The following CEMIP variants were observed in gnomAD, a reference collection of about 807,000 sequenced individuals.
CEMIP encodes the protein cell migration-inducing and hyaluronan-binding protein.
In CEMIP, 105 loss-of-function variants were observed where a neutral mutation model predicts 156.9. The ratio of observed to expected loss-of-function variants is 0.67; its 90% CI spans 0.57 to 0.79. The LOEUF (loss-of-function observed/expected upper bound fraction) is 0.79. Ranked by LOEUF, CEMIP falls within the 30% of genes least tolerant of loss-of-function variation. CEMIP has a pLI of 0.00. For synonymous variants in CEMIP, 676 were observed against 668.4 expected (o/e 1.01, Z -0.17); for missense variants, 1,457 against 1,769.4 (o/e 0.82, Z 3.17).
chr15:80,795,194 G>A (rs141469352), intron 1 of CEMIP, among the ~76,000 whole-genome samples: 1 of 152,104 alleles, frequency 6.6e-6, no homozygotes, highest in Non-Finnish European at 1.5e-5. Context: ...CATCCTGAAA[G>A]CAATGGGAAG....
At chr15:80,779,813 C>G (rs563380338) in intron 1 of CEMIP, among the ~76,000 whole-genome samples, 199 bp downstream of exon 1, 40 of 152,364 alleles carry the variant, frequency 2.6e-4, no homozygotes, top group Middle Eastern at 3.4e-3. Context: ...TGGGCACACG[C>G]TCTTGGCACT....
At chr15:80,834,478 G>C (rs527645227) in intron 1 of CEMIP, among the ~76,000 whole-genome samples, 7 of 152,286 alleles carry the variant, frequency 4.6e-5, no homozygotes, top group Non-Finnish European at 7.3e-5. Context: ...GTAGAGTCAG[G>C]CTTCATTTTT....
chr15:80,943,927 G>A (rs1345492038), intron 28 of CEMIP, among the ~76,000 whole-genome samples: 1 of 152,110 alleles, frequency 6.6e-6, no homozygotes, highest in African/African-American at 2.4e-5. Flanking sequence ...TAATTCCCCA[G>A]TACCTTACAA....
intron 12 of CEMIP, among the ~76,000 whole-genome samples, chr15:80,900,587 T>G (rs200317455): frequency 0.011 from 552 of 49,774 alleles, 1 homozygote; most frequent in South Asian, 0.018. Flanking sequence ...CAGGTAGGGG[T>G]GTGTGTGTGT....
chr15:80,944,010 T>TG (rs1220341623), intron 28 of CEMIP, among the ~76,000 whole-genome samples: 1 of 152,194 alleles, frequency 6.6e-6, no homozygotes, highest in Non-Finnish European at 1.5e-5. Flanking sequence ...CAGGGCGCAT[T>TG]GGCTCACACC....
At chr15:80,818,733 C>T (rs1331858902) in intron 1 of CEMIP, among the ~76,000 whole-genome samples, 1 of 152,128 alleles carries the variant, frequency 6.6e-6, no homozygotes, top group Non-Finnish European at 1.5e-5. Context: ...TTGGTGGCTT[C>T]TGGGAGATTT....
At chr15:80,797,842 C>G (rs1896272200) in intron 1 of CEMIP, among the ~76,000 whole-genome samples, 1 of 152,232 alleles carries the variant, frequency 6.6e-6, no homozygotes, top group Non-Finnish European at 1.5e-5. Context: ...CCCATCCTCA[C>G]TAGGAAGCAA....
At chr15:80,931,660 G>T (rs931898736) in intron 21 of CEMIP, among the ~76,000 whole-genome samples, 199 bp from the exon 22 acceptor site, 7 of 151,968 alleles carry the variant, frequency 4.6e-5, no homozygotes, top group African/African-American at 1.2e-4. Context: ...ATTAATTAAT[G>T]AATTAATAAT....
At chr15:80,912,322 T>C (rs1900102399) in intron 14 of CEMIP, among the ~76,000 whole-genome samples, 1 of 152,146 alleles carries the variant, frequency 6.6e-6, no homozygotes, top group Admixed American at 6.5e-5. Flanking sequence ...GTGGACAACC[T>C]CTCAGAACCA....
rs568169530 is a variant in CEMIP, at chr15:80,942,391, T to C, written c.3699+54T>C. 7 of 1,450,088 alleles carry C rather than the reference T, an allele frequency of 4.8e-6. No individual in the cohort carries two copies. The African/African-American group carries it at 5.6e-5, about 12-fold the overall frequency. 89.8% of individuals were successfully genotyped at this position (1,450,088 alleles called of 1,614,324 possible). On this transcript the variant is annotated intron_variant, in intron 27 of 29. Coordinates refer to ENST00000394685, the MANE Select transcript of CEMIP (RefSeq NM_001293298.2). ...GGGTTTGCTCATTGAGAGGTGATAC[T>C]GTGTCCTGCGGCTGCTGGCACAAAT...
chr15:80,924,394 A>C lies in CEMIP; in HGVS notation c.2203-227A>C, dbSNP rs111915811. ...TAACCTCTCTAGACCTCAGTTTCCA[A>C]ATCTGCTCCTCAAAGAGGTCAAATA... is the stretch of plus-strand genomic sequence containing the variant. On this transcript the variant is annotated intron_variant, in intron 17 of 29. Transcript: ENST00000394685. Among the ~76,000 whole-genome samples, 172 of 152,318 alleles carry C rather than the reference A, an allele frequency of 1.1e-3. 2 individuals carry two copies. Among genetic ancestry groups the C allele is most frequent in the African/African-American group, 4.0e-3 (166 of 41,566 alleles).
At chr15:80,855,396 G>A (rs1010071576) in intron 1 of CEMIP, among the ~76,000 whole-genome samples, 8 of 152,202 alleles carry the variant, frequency 5.3e-5, no homozygotes, top group African/African-American at 1.9e-4. Flanking sequence ...TGGGAACTGA[G>A]CCGAGGACAC....
Position 80,881,151 on chromosome 15 carries a change from C to A in CEMIP, c.617+15C>A. On this transcript the variant is annotated intron_variant, in intron 6 of 29. Coordinates refer to ENST00000394685, the MANE Select transcript of CEMIP (RefSeq NM_001293298.2). The stretch of plus-strand genomic sequence containing the variant: ...CATTCTGACCGGTAAGGTTTGCCTT[C>A]ACTTAAACGTATACTCATTCATTCA... 1 of 1,601,588 alleles carries A rather than the reference C, an allele frequency of 6.2e-7. No homozygotes were observed. The highest frequency in any genetic ancestry group is 8.6e-7 in the Non-Finnish European group (1 of 1,168,646).
At chr15:80,819,068 C>T (rs1199334140) in intron 1 of CEMIP, among the ~76,000 whole-genome samples, 1 of 152,248 alleles carries the variant, frequency 6.6e-6, no homozygotes, top group East Asian at 1.9e-4. Context: ...TACCAGGTAA[C>T]ACATCTTTCT....
chr15:80,892,187 C>A (rs1450866773), intron 10 of CEMIP, among the ~76,000 whole-genome samples: 1 of 152,086 alleles, frequency 6.6e-6, no homozygotes. Context: ...CCCGGCATAC[C>A]TGCCATGCAC....
chr15:80,847,634 C>T (rs1897595942), intron 1 of CEMIP, among the ~76,000 whole-genome samples: 1 of 152,190 alleles, frequency 6.6e-6, no homozygotes, highest in Non-Finnish European at 1.5e-5. Flanking sequence ...GCAATTTGTG[C>T]CTGTGTGATG....
chr15:80,904,387 C>T lies in CEMIP; in HGVS notation c.1412-2276C>T, dbSNP rs118081457. ...GCCTGGGTGACAGGGCAAGACCCAACCCAGTATCTGAAAAAGAAGGAGGAC... is the reference window on the plus strand; with the variant it reads ...GCCTGGGTGACAGGGCAAGACCCAATCCAGTATCTGAAAAAGAAGGAGGAC... On this transcript the variant is annotated intron_variant, in intron 12 of 29. Coordinates refer to ENST00000394685, the MANE Select transcript of CEMIP (RefSeq NM_001293298.2). 2.0e-5 allele frequency among the ~76,000 whole-genome samples: 3 copies of T among 152,184 alleles called. No individual in the cohort carries two copies. In the East Asian group the frequency reaches 5.8e-4, roughly 29 times the overall value.
intron 13 of CEMIP, among the ~76,000 whole-genome samples, chr15:80,907,157 T>A (rs957589036): frequency 6.6e-6 from 1 of 152,272 alleles, no homozygotes; most frequent in African/African-American, 2.4e-5. Context: ...GATTACTTCA[T>A]TATTGCCCTG....
chr15:80,948,789 C>T lies in CEMIP; in HGVS notation c.3959-8C>T, dbSNP rs1901682077. The T allele has an allele frequency of 6.2e-7, 1 of 1,614,074 alleles. No homozygotes were observed. Among genetic ancestry groups the T allele is most frequent in the East Asian group, 2.2e-5 (1 of 44,878 alleles). Reference sequence around the variant, plus strand: ...CTTTTGCTCAGGAGACTCATCATTGCTTTTCAGAGCAAATGGCATTCGTTG... The same window carrying T: ...CTTTTGCTCAGGAGACTCATCATTGTTTTTCAGAGCAAATGGCATTCGTTG... On this transcript the variant is annotated splice_region_variant and splice_polypyrimidine_tract_variant and intron_variant, in intron 29 of 29. Transcript: ENST00000394685.
Sources: allele counts gnomAD v4.1 joint callset (sites outside exome capture counted in the v4.1 genomes callset), GRCh38; gene constraint gnomAD v4.1.1; transcripts MANE v1.5; gene names NCBI Gene and HGNC (gene_info 2026-07-23, HGNC 2026-07-21).